SRGAP2B: variants seen among roughly 807,000 people sequenced by gnomAD.
The protein encoded by SRGAP2B is SLIT-ROBO Rho GTPase-activating protein 2B.
A neutral mutation model predicts 22.2 loss-of-function variants in SRGAP2B; 9 were observed. The observed-to-expected ratio is 0.41, with a 90% CI of 0.24 to 0.71. SRGAP2B has a LOEUF of 0.71. Ranked by LOEUF, SRGAP2B falls within the 30% of genes least tolerant of loss-of-function variation. The pLI is 0.35. For synonymous variants in SRGAP2B, 36 were observed against 87.4 expected (o/e 0.41, Z 3.28); for missense variants, 114 against 235.8 (o/e 0.48, Z 3.38).
chr1:144,955,316 T>C (rs1420819686), intron 4 of SRGAP2B, 123 bp downstream of exon 4: 3 of 491,840 alleles, frequency 6.1e-6, no homozygotes, highest in Non-Finnish European at 1.1e-5. Context: ...GTAAATTGCA[T>C]GTCATGGGGG....
intron 2 of SRGAP2B, among the ~76,000 whole-genome samples, chr1:145,040,670 CT>C (rs1200508018): frequency 6.7e-6 from 1 of 149,568 alleles, no homozygotes; most frequent in Non-Finnish European, 1.5e-5. Flanking sequence ...TTGCTGACCC[CT>C]GATTTAATTA....
At chr1:144,971,588 C>T (rs1298130244) in intron 3 of SRGAP2B, among the ~76,000 whole-genome samples, 1 of 150,954 alleles carries the variant, frequency 6.6e-6, no homozygotes, top group Non-Finnish European at 1.5e-5. Context: ...AGCCACCTCA[C>T]CTGGCCAGGA....
chr1:144,927,140 T>C (rs1277213095), intron 4 of SRGAP2B, among the ~76,000 whole-genome samples: 1 of 148,696 alleles, frequency 6.7e-6, no homozygotes, highest in African/African-American at 2.5e-5. Flanking sequence ...TTAGTAGAGA[T>C]GGGGTTTCAC....
chr1:144,910,650 C>T (rs1663354317), intron 5 of SRGAP2B, among the ~76,000 whole-genome samples: 1 of 109,420 alleles, frequency 9.1e-6, no homozygotes, highest in African/African-American at 4.0e-5. Flanking sequence ...AGCCAATCCA[C>T]ACTGGCTTCA....
At chr1:144,909,769 A>C (rs1663280389) in intron 5 of SRGAP2B, among the ~76,000 whole-genome samples, 1 of 150,272 alleles carries the variant, frequency 6.7e-6, no homozygotes, top group Non-Finnish European at 1.5e-5. Context: ...GTCTATGTTA[A>C]ATTTTGAGAT....
chr1:144,995,213 C>A lies in SRGAP2B; in HGVS notation c.68-13G>T. 1.5e-6 allele frequency: 1 copy of A among 679,438 alleles called. No homozygotes were observed. 42.1% of individuals were successfully genotyped at this position (679,438 alleles called of 1,614,324 possible). On this transcript the variant is annotated splice_polypyrimidine_tract_variant and intron_variant, in intron 2 of 9. Coordinates refer to ENST00000612199, the Ensembl canonical transcript of SRGAP2B. ...TGAGCACGGATCTCTACAACAAAAA[C>A]AAGAGAAGACAGTCAGAAAGACAGC...
At chr1:145,031,841 C>T (rs1478528392) in intron 2 of SRGAP2B, among the ~76,000 whole-genome samples, 6 of 130,982 alleles carry the variant, frequency 4.6e-5, no homozygotes, top group Admixed American at 1.5e-4. Context: ...AGCAAGACTC[C>T]GTCTCAAAAA....
At chr1:144,925,224 C>T (rs144368446) in intron 4 of SRGAP2B, among the ~76,000 whole-genome samples, 2,071 of 150,126 alleles carry the variant, frequency 0.014, 74 homozygotes, top group East Asian at 0.1. Context: ...GGGATGATCT[C>T]GAACTCCTGA....
At chr1:144,966,075 T>C (rs1388313803) in intron 3 of SRGAP2B, among the ~76,000 whole-genome samples, 1 of 149,356 alleles carries the variant, frequency 6.7e-6, no homozygotes, top group Admixed American at 6.6e-5. Context: ...CTGCAGGATA[T>C]TATCCAGGAG....
At chr1:144,943,611 GA>G (rs1340768082) in intron 4 of SRGAP2B, among the ~76,000 whole-genome samples, 6 of 128,730 alleles carry the variant, frequency 4.7e-5, no homozygotes, top group African/African-American at 1.6e-4. Context: ...AGGGGAGAAG[GA>G]AGGGGGGGAG....
intron 3 of SRGAP2B, among the ~76,000 whole-genome samples, chr1:144,972,636 A>C (rs1347426351): frequency 1.5e-5 from 2 of 135,052 alleles, no homozygotes; most frequent in African/African-American, 6.0e-5. Flanking sequence ...TCTGCCTTTC[A>C]AATCAGCATG....
chr1:144,923,090 G>C (rs1406740382), intron 4 of SRGAP2B, among the ~76,000 whole-genome samples: 2 of 150,440 alleles, frequency 1.3e-5, no homozygotes, highest in East Asian at 3.9e-4. Flanking sequence ...GTTCAGGGTG[G>C]GGTCAGGAAG....
chr1:145,019,809 G>T lies in SRGAP2B; in HGVS notation c.68-24609C>A, dbSNP rs1347968596. 5.4e-5 allele frequency among the ~76,000 whole-genome samples: 8 copies of T among 148,176 alleles called. 1 individual carries two copies. Among genetic ancestry groups the T allele is most frequent in the Admixed American group, 1.3e-4 (2 of 14,888 alleles). ...GCCTAACATGGTATGATGTAATCAG[G>T]CATCTCCTCCCTTCCTCCTAAAAAC... On this transcript the variant is annotated intron_variant, in intron 2 of 9. Coordinates refer to ENST00000612199, the Ensembl canonical transcript of SRGAP2B.
chr1:144,931,333 C>T (rs1351838325), intron 4 of SRGAP2B, among the ~76,000 whole-genome samples: 2 of 149,556 alleles, frequency 1.3e-5, no homozygotes, highest in African/African-American at 5.1e-5. Flanking sequence ...AACTCATAAA[C>T]TCCTTCAATG....
At chr1:145,076,573 T>C (rs1386593735) in intron 2 of SRGAP2B, among the ~76,000 whole-genome samples, 2 of 148,658 alleles carry the variant, frequency 1.3e-5, no homozygotes, top group Non-Finnish European at 3.0e-5. Flanking sequence ...TACATGCTAA[T>C]GGTTCCGTTT....
intron 2 of SRGAP2B, among the ~76,000 whole-genome samples, chr1:145,076,180 C>CA (rs1390484820): frequency 7.4e-5 from 11 of 149,516 alleles, no homozygotes; most frequent in African/African-American, 2.7e-4. Context: ...CTTGCCATTA[C>CA]AAAAAACTAC....
At chr1:145,041,665 GA>G (rs782545735) in intron 2 of SRGAP2B, among the ~76,000 whole-genome samples, 79 of 111,620 alleles carry the variant, frequency 7.1e-4, no homozygotes, top group African/African-American at 1.7e-3. Context: ...TCTCATAAAA[GA>G]AAAAAAAAAA....
intron 4 of SRGAP2B, among the ~76,000 whole-genome samples, chr1:144,926,691 C>CA (rs1487047127): frequency 1.5e-4 from 22 of 149,148 alleles, no homozygotes; most frequent in Admixed American, 7.3e-4. Flanking sequence ...CCTCTCTTTA[C>CA]AAAAAATAAA....
chr1:144,990,888 G>A (rs1196401506), intron 3 of SRGAP2B, among the ~76,000 whole-genome samples: 1 of 151,328 alleles, frequency 6.6e-6, no homozygotes, highest in Non-Finnish European at 1.5e-5. Flanking sequence ...CCTTCCCGCG[G>A]GGCAGGGCTC....
Sources: gnomAD v4.1 joint callset for allele counts (sites outside exome capture counted in the v4.1 genomes callset) on GRCh38, gnomAD v4.1.1 for gene constraint, MANE v1.5 for transcripts, NCBI Gene and HGNC (gene_info 2026-07-23, HGNC 2026-07-21) for gene names.